The following LAMA3 variants were observed in gnomAD, a reference collection of about 807,000 sequenced individuals.
LAMA3 encodes laminin subunit alpha 3.
A neutral mutation model predicts 402.0 loss-of-function variants in LAMA3; 281 were observed. The observed-to-expected ratio is 0.70, with a 90% CI of 0.63 to 0.77. LAMA3 has a LOEUF of 0.77. LAMA3 is among the 30% of genes least tolerant of loss of function. The probability of loss-of-function intolerance (pLI) is 0.00; values close to 1 mark genes in which losing one functional copy is unlikely to be tolerated. For synonymous variants in LAMA3, 1,431 were observed against 1,558.4 expected (o/e 0.92, Z 1.93); for missense variants, 3,840 against 4,215.5 (o/e 0.91, Z 2.47).
intron 41 of LAMA3, 123 bp from the exon 42 acceptor site, chr18:23,889,888 C>G (rs2080592914): frequency 1.3e-6 from 1 of 783,212 alleles, no homozygotes; most frequent in South Asian, 1.3e-5. Context: ...TCTTGCAGAT[C>G]TATGTCGGTC....
At chr18:23,948,221 GGCCAAATA>G (rs2082778766) in intron 70 of LAMA3, among the ~76,000 whole-genome samples, 1 of 152,074 alleles carries the variant, frequency 6.6e-6, no homozygotes, top group Non-Finnish European at 1.5e-5. Flanking sequence ...CTAACATCTG[GGCCAAATA>G]GTAGCACCCC....
intron 34 of LAMA3, among the ~76,000 whole-genome samples, chr18:23,860,627 C>T (rs1175534109): frequency 6.6e-6 from 1 of 151,536 alleles, no homozygotes; most frequent in Non-Finnish European, 1.5e-5. Context: ...TTCCATGAAC[C>T]AGTAACCTCA....
chr18:23,918,384 A>G lies in LAMA3; in HGVS notation c.7923+1689A>G, dbSNP rs751148904. On this transcript the variant is annotated intron_variant, in intron 60 of 74. Coordinates refer to ENST00000313654, the MANE Select transcript of LAMA3 (RefSeq NM_198129.4). This position sits in a 1 kb window ranked among gnomAD's most constrained non-coding sequence, Gnocchi z 4.1. ...CCACTGCTTGCCTAAGAATCTACTT[A>G]TTCTGACCCAAAACATGTGAAAACT... 6.0e-4 allele frequency among the ~76,000 whole-genome samples: 91 copies of G among 152,190 alleles called. No individual in the cohort carries two copies. The highest frequency in any genetic ancestry group is 1.2e-3 in the Non-Finnish European group (83 of 68,034).
Position 23,912,430 on chromosome 18 carries a change from T to C in LAMA3, c.7159-281T>C, listed in dbSNP as rs375858223. On this transcript the variant is annotated intron_variant, in intron 55 of 74. Transcript: ENST00000313654. ...TTCATATTATTGTCATTATCATTATTATTATTGCTAGCACAGAGGACTAAA... is the reference window on the plus strand; with the variant it reads ...TTCATATTATTGTCATTATCATTATCATTATTGCTAGCACAGAGGACTAAA... 1.4e-4 allele frequency among the ~76,000 whole-genome samples: 22 copies of C among 152,286 alleles called. No individual in the cohort carries two copies. The East Asian group carries it at 4.2e-3, about 29-fold the overall frequency.
Position 23,901,155 on chromosome 18 carries a change from A to G in LAMA3, c.6033A>G (p.Lys2011=). The stretch of plus-strand genomic sequence containing the variant: ...TGAACCGGATAAGGACCTGGCAGAA[A>G]ACCCACCAGGGGGAGAACAATGGGC... ...LLLNRIRTWQ[K]THQGENNGLA... is the part of the protein sequence containing the mutation. The change falls in exon 48 of 75, where the codon AAA becomes AAG. Residue 2011 remains lysine, a synonymous_variant. Transcript: ENST00000313654. 6.2e-7 allele frequency: 1 copy of G among 1,614,212 alleles called. No individual in the cohort carries two copies.
intron 42 of LAMA3, among the ~76,000 whole-genome samples, chr18:23,893,267 G>A (rs559904395): frequency 1.3e-5 from 2 of 152,298 alleles, no homozygotes; most frequent in African/African-American, 4.8e-5. Context: ...GAAGTGAGAG[G>A]ACATGTCAAT....
chr18:23,950,042 G>A lies in LAMA3; in HGVS notation c.9525G>A (p.Leu3175=), dbSNP rs201672839. ...GGHVVLAHSV[L]LGPEFKLVFS... ...CTCTTTTGAAAGCTCACTCTGTATT[G>A]TTGGGGCCAGAATTTAAGCTTGTTT... is the stretch of plus-strand genomic sequence containing the variant. Residue 3175 remains leucine, a synonymous_variant, in exon 72 of 75, where the codon TTG becomes TTA. Transcript: ENST00000313654. 36 of 1,614,128 alleles carry A rather than the reference G, an allele frequency of 2.2e-5. No individual in the cohort carries two copies. The African/African-American group carries it at 4.5e-4, about 20-fold the overall frequency.
In LAMA3 at chr18:23,901,333, C is replaced by T. The variant is rs755851362; in HGVS notation, c.6201+10C>T. On this transcript the variant is annotated intron_variant, in intron 48 of 74. Transcript: ENST00000313654. Reference sequence around the variant, plus strand: ...TTTGGGAGCCATTCAGGTGAGTTCACAGTTTGAAGTTGCACACTTTCGTTA... The same window carrying T: ...TTTGGGAGCCATTCAGGTGAGTTCATAGTTTGAAGTTGCACACTTTCGTTA... The T allele has an allele frequency of 3.1e-6, 5 of 1,611,062 alleles. No individual in the cohort carries two copies. In the East Asian group the frequency reaches 1.1e-4, roughly 36 times the overall value.
At chr18:23,916,462 T>C in intron 59 of LAMA3, 89 bp from the exon 60 acceptor site, 1 of 1,470,406 alleles carries the variant, frequency 6.8e-7, no homozygotes, top group East Asian at 2.3e-5. Context: ...GGCTCCATTT[T>C]TCAGATAGCA....
chr18:23,812,895 A>G (rs2063101351), intron 13 of LAMA3, among the ~76,000 whole-genome samples, 162 bp from the exon 14 acceptor site: 1 of 152,264 alleles, frequency 6.6e-6, no homozygotes, highest in African/African-American at 2.4e-5. Flanking sequence ...ATGTCATTCA[A>G]GATGCCTGAC....
rs76309383 is a variant in LAMA3 at position 23,899,016 on chromosome 18, C to T, written c.5787C>T (p.Ser1929=). Residue 1929 remains serine, a synonymous_variant, in exon 46 of 75, where the codon AGC becomes AGT. Transcript: ENST00000313654. ...LNNNVNRATQ[S]AKELDVKIKN... ...ACAATGTTAATCGGGCAACACAAAG[C>T]GCAAAAGAACTGGATGTGAAGATTA... 6.4e-5 allele frequency: 103 copies of T among 1,613,738 alleles called. No homozygotes were observed. The highest frequency in any genetic ancestry group is 6.7e-5 in the East Asian group (3 of 44,870).
intron 51 of LAMA3, 56 bp downstream of exon 51, chr18:23,904,750 A>G: frequency 6.3e-7 from 1 of 1,577,388 alleles, no homozygotes. Flanking sequence ...GCTGATTTTT[A>G]TATTTTCTTT....
At chr18:23,920,907 G>A (rs1427835707) in intron 60 of LAMA3, 28 bp from the exon 61 acceptor site, 2 of 1,613,048 alleles carry the variant, frequency 1.2e-6, no homozygotes, top group African/African-American at 2.7e-5. Flanking sequence ...CAAGCCTTCT[G>A]GTCATCTGCA....
chr18:23,900,680 A>G (rs1354108459), intron 47 of LAMA3, among the ~76,000 whole-genome samples: 3 of 152,212 alleles, frequency 2.0e-5, no homozygotes, highest in Non-Finnish European at 2.9e-5. Context: ...AAAATGATGT[A>G]TCAGTGGTTA....
Position 23,833,944 on chromosome 18 carries a change from G to C in LAMA3, c.2940G>C (p.Gly980=), listed in dbSNP as rs1017582016. ...TTGATGTGAATGTGAAGAGCTCCGG[G>C]TCTGTTCTGGCAGGCCAGGTGAACA... is the stretch of plus-strand genomic sequence containing the variant. The part of the protein sequence containing the change: ...FVVDVNVKSS[G]SVLAGQVNIY... The change falls in exon 24 of 75, where the codon GGG becomes GGC. Residue 980 remains glycine, a synonymous_variant. Transcript: ENST00000313654. The C allele has an allele frequency of 3.1e-6, 5 of 1,614,134 alleles. No individual in the cohort carries two copies.
chr18:23,931,147 A>G lies in LAMA3; in HGVS notation c.8522A>G (p.Gln2841Arg). ...DSGGPIFKSP[Q>R]TYMDGLLHYV... ...GGCGGCCCAATTTTTAAATCTCCACAGACGTATATGGATGGTTTACTGCAT... is the reference window on the plus strand; with the variant it reads ...GGCGGCCCAATTTTTAAATCTCCACGGACGTATATGGATGGTTTACTGCAT... Residue 2841 changes from glutamine (Q) to arginine (R), a missense_variant, in exon 65 of 75, where the codon CAG becomes CGG. Gln to Arg is a conservative substitution (Grantham distance 43). Coordinates refer to ENST00000313654, the MANE Select transcript of LAMA3 (RefSeq NM_198129.4). The G allele has an allele frequency of 6.2e-7, 1 of 1,613,368 alleles. No individual in the cohort carries two copies.
intron 7 of LAMA3, among the ~76,000 whole-genome samples, chr18:23,762,997 C>T (rs1217220808): frequency 6.6e-6 from 1 of 152,088 alleles, no homozygotes; most frequent in African/African-American, 2.4e-5. Context: ...GCTGGGACTA[C>T]AGGCACATGC....
At chr18:23,870,476 C>T (rs1227170304) in intron 37 of LAMA3, among the ~76,000 whole-genome samples, 1 of 152,094 alleles carries the variant, frequency 6.6e-6, no homozygotes, top group African/African-American at 2.4e-5. Flanking sequence ...CCAGCAGTCC[C>T]ACTTCTGGAT....
chr18:23,866,436 G>C (rs897612869), intron 36 of LAMA3, among the ~76,000 whole-genome samples: 20 of 152,158 alleles, frequency 1.3e-4, no homozygotes, highest in Non-Finnish European at 1.9e-4. Flanking sequence ...GTGTTGCTTT[G>C]TTTTTACTGG....
Sources: allele counts gnomAD v4.1 joint callset (sites outside exome capture counted in the v4.1 genomes callset), GRCh38; gene constraint gnomAD v4.1.1; non-coding constraint Gnocchi (gnomAD v3.1); transcripts MANE v1.5; gene names NCBI Gene and HGNC (gene_info 2026-07-23, HGNC 2026-07-21).